The following MLLT10 variants were observed in gnomAD, a reference collection of about 807,000 sequenced individuals.
MLLT10 encodes protein AF-10.
In MLLT10, 30 loss-of-function variants were observed where a neutral mutation model predicts 129.1. The observed-to-expected ratio is 0.23, with a 90% CI of 0.17 to 0.32. The LOEUF is 0.32. Among genes scored for constraint, MLLT10 ranks in the 10% least tolerant of loss-of-function variants. The probability of loss-of-function intolerance (pLI) is 1.00; values close to 1 mark genes in which losing one functional copy is unlikely to be tolerated. For synonymous variants in MLLT10, 490 were observed against 446.4 expected, an observed-to-expected ratio of 1.10 and a Z score of -1.23; for missense variants, 1,119 against 1,268.3, an observed-to-expected ratio of 0.88 and a Z score of 1.79.
Position 21,534,518 on chromosome 10 carries a change from C to A in MLLT10, c.-3C>A. On this transcript the variant is annotated splice_region_variant and 5_prime_UTR_variant, in exon 1 of 23. Coordinates refer to ENST00000307729, the MANE Select transcript of MLLT10 (RefSeq NM_001195626.3). ...ACGTGAGTGACTGAGCGGCAAAGCC[C>A]GAGTGAGCGAGCGGTGGGCTGCCGG... is the stretch of plus-strand genomic sequence containing the variant. 1.0e-6 allele frequency: 1 copy of A among 964,890 alleles called. No homozygotes were observed. The highest frequency in any genetic ancestry group is 1.4e-6 in the Non-Finnish European group (1 of 691,226). 59.8% of individuals were successfully genotyped at this position (964,890 alleles called of 1,614,324 possible).
chr10:21,694,142 C>T (rs1016201150), intron 13 of MLLT10, among the ~76,000 whole-genome samples: 2 of 152,152 alleles, frequency 1.3e-5, no homozygotes, highest in East Asian at 3.8e-4. Context: ...CGCACCGTAT[C>T]CCATCAGCAC....
Position 21,563,518 on chromosome 10 carries a change from G to A in MLLT10, c.241-22776G>A, listed in dbSNP as rs116018588. Among the ~76,000 whole-genome samples the A allele has an allele frequency of 3.7e-3, 558 of 152,168 alleles. 5 individuals are homozygous for A. The highest frequency in any genetic ancestry group is 0.013 in the African/African-American group (524 of 41,520). On this transcript the variant is annotated intron_variant, in intron 3 of 22. Coordinates refer to ENST00000307729, the MANE Select transcript of MLLT10 (RefSeq NM_001195626.3). ...ACCCTGGGCGACAGAGTGAGACTCT[G>A]TCTAAAAACAGAACAAAACAACATG...
chr10:21,606,618 T>TG (rs1458344059), intron 5 of MLLT10, among the ~76,000 whole-genome samples: 1 of 152,184 alleles, frequency 6.6e-6, no homozygotes, highest in Admixed American at 6.5e-5. Context: ...AGGTTGCAGA[T>TG]GTGGTGGCCA....
intron 3 of MLLT10, among the ~76,000 whole-genome samples, chr10:21,546,415 T>C (rs1204225007): frequency 6.7e-6 from 1 of 149,070 alleles, no homozygotes; most frequent in Non-Finnish European, 1.5e-5. Flanking sequence ...TTCTACTTTT[T>C]TTTTTTTGAG....
intron 8 of MLLT10, chr10:21,624,867 C>T: frequency 8.7e-7 from 1 of 1,145,440 alleles, no homozygotes; most frequent in South Asian, 1.4e-5. Flanking sequence ...TCTGCCACCC[C>T]TACAGCCTCG....
chr10:21,538,486 T>G (rs1385996444), intron 2 of MLLT10, among the ~76,000 whole-genome samples: 3 of 152,008 alleles, frequency 2.0e-5, no homozygotes, highest in Non-Finnish European at 4.4e-5. Flanking sequence ...TTTTTTTTTT[T>G]TGTGGAGATG....
intron 3 of MLLT10, among the ~76,000 whole-genome samples, chr10:21,584,217 G>A (rs1182930851): frequency 7.0e-6 from 1 of 142,336 alleles, no homozygotes; most frequent in African/African-American, 2.7e-5. Context: ...AGGCTGGAGT[G>A]CAGTGGCATG....
At chr10:21,624,533 A>C (rs2046232389) in intron 8 of MLLT10, 3 of 1,068,230 alleles carry the variant, frequency 2.8e-6, no homozygotes, top group Non-Finnish European at 3.9e-6. Flanking sequence ...TTTTTGAAGA[A>C]TGTAGATCTA....
chr10:21,739,738 A>G (rs1016649536), intron 21 of MLLT10, among the ~76,000 whole-genome samples: 7 of 152,276 alleles, frequency 4.6e-5, no homozygotes, highest in African/African-American at 1.7e-4. Context: ...GATGCATTCA[A>G]ATGTCCACCT....
intron 9 of MLLT10, among the ~76,000 whole-genome samples, chr10:21,664,514 C>T (rs113464024): frequency 2.8e-4 from 42 of 151,876 alleles, no homozygotes; most frequent in Non-Finnish European, 3.1e-4. Flanking sequence ...TCAGGATGGT[C>T]GCGATCTCTT....
intron 3 of MLLT10, among the ~76,000 whole-genome samples, chr10:21,567,673 A>G (rs1292822592): frequency 1.3e-5 from 2 of 152,098 alleles, no homozygotes; most frequent in Non-Finnish European, 2.9e-5. Flanking sequence ...TAGGTTCCCC[A>G]TGTGATCATT....
intron 14 of MLLT10, among the ~76,000 whole-genome samples, chr10:21,714,391 C>T (rs2056373209): frequency 6.6e-6 from 1 of 152,156 alleles, no homozygotes; most frequent in African/African-American, 2.4e-5. Context: ...GACCGAATGA[C>T]CGCTTCAAGC....
intron 13 of MLLT10, chr10:21,708,685 A>C (rs1417424665): frequency 2.0e-6 from 2 of 985,170 alleles, no homozygotes; most frequent in Admixed American, 6.2e-5. Context: ...TAATATAAAA[A>C]CAATTTAAGT....
chr10:21,578,383 A>G (rs2131061935), intron 3 of MLLT10, among the ~76,000 whole-genome samples: 2 of 152,330 alleles, frequency 1.3e-5, no homozygotes, highest in South Asian at 4.1e-4. Flanking sequence ...CTTGTCAGAC[A>G]TGCGACTTGT....
At position 21,670,512 on chromosome 10, in the gene MLLT10, G is replaced by A. The variant is rs370015698; in HGVS notation, c.859G>A (p.Ala287Thr). The change falls in exon 10 of 23, where the codon GCA (alanine) becomes ACA (threonine). Residue 287 changes from alanine (A) to threonine (T), a missense_variant. Ala to Thr is a moderately conservative substitution (Grantham distance 58). Coordinates refer to ENST00000307729, the MANE Select transcript of MLLT10 (RefSeq NM_001195626.3). ...GSLKRLEDTT[A>T]RFTNANFQEV... Reference sequence around the variant, plus strand: ...ATTGAAGCGCTTGGAAGATACTACTGCACGATTTACAAATGCAAATTTCCA... The same window carrying A: ...ATTGAAGCGCTTGGAAGATACTACTACACGATTTACAAATGCAAATTTCCA... 25 of 1,613,950 alleles carry A rather than the reference G, an allele frequency of 1.5e-5. No individual in the cohort carries two copies. The African/African-American group carries it at 2.0e-4, about 13-fold the overall frequency.
intron 14 of MLLT10, among the ~76,000 whole-genome samples, chr10:21,724,233 A>G (rs1202807371): frequency 6.6e-6 from 1 of 152,262 alleles, no homozygotes; most frequent in African/African-American, 2.4e-5. Flanking sequence ...TGTGAACTAT[A>G]AAATACACGC....
At chr10:21,582,308 T>C (rs149256362) in intron 3 of MLLT10, among the ~76,000 whole-genome samples, 1 of 151,768 alleles carries the variant, frequency 6.6e-6, no homozygotes, top group Non-Finnish European at 1.5e-5. Context: ...TTAGTAGAGA[T>C]AGGGTTTCAC....
At chr10:21,545,758 T>G (rs1411687122) in intron 3 of MLLT10, among the ~76,000 whole-genome samples, 6 of 152,224 alleles carry the variant, frequency 3.9e-5, no homozygotes, top group South Asian at 2.1e-4. Flanking sequence ...CATCGAACTC[T>G]GGGGCTCAAG....
At chr10:21,587,648 T>G (rs966216417) in intron 4 of MLLT10, among the ~76,000 whole-genome samples, 1 of 152,166 alleles carries the variant, frequency 6.6e-6, no homozygotes, top group African/African-American at 2.4e-5. Context: ...CTGCTATTAC[T>G]ACTATACTCT....
Sources: gnomAD v4.1 joint callset for allele counts (sites outside exome capture counted in the v4.1 genomes callset) on GRCh38, gnomAD v4.1.1 for gene constraint, MANE v1.5 for transcripts, NCBI Gene and HGNC (gene_info 2026-07-23, HGNC 2026-07-21) for gene names.